The following SNTG1 variants were observed in gnomAD, a reference collection of about 807,000 sequenced individuals.
The protein encoded by SNTG1 is gamma-1-syntrophin.
A neutral mutation model predicts 74.7 loss-of-function variants in SNTG1; 39 were observed. That is an observed-to-expected ratio of 0.52 (90% confidence interval 0.40 to 0.68). The LOEUF is 0.68. Ranked by LOEUF, SNTG1 falls within the 30% of genes least tolerant of loss-of-function variation. The probability of loss-of-function intolerance (pLI) is 0.00; values close to 1 mark genes in which losing one functional copy is unlikely to be tolerated. For synonymous variants in SNTG1, 254 were observed against 217.1 expected, an observed-to-expected ratio of 1.17 and a Z score of -1.49; for missense variants, 685 against 609.5, an observed-to-expected ratio of 1.12 and a Z score of -1.30.
chr8:50,772,685 CT>C (rs1274015481), intron 18 of SNTG1, among the ~76,000 whole-genome samples: 3 of 152,046 alleles, frequency 2.0e-5, no homozygotes, highest in African/African-American at 7.2e-5. Context: ...GTTTGTTCCT[CT>C]GAAACTCATG....
At chr8:50,734,965 C>CCATATACATATATAGATATATATGGA (rs1491411114) in intron 17 of SNTG1, among the ~76,000 whole-genome samples, 7 of 58,850 alleles carry the variant, frequency 1.2e-4, no homozygotes, top group South Asian at 7.8e-4. Flanking sequence ...ATCTATATAT[C>CCATATACATATATAGATATATATGGA]CATATATATC....
chr8:50,485,547 T>C (rs1051661227), intron 8 of SNTG1, among the ~76,000 whole-genome samples: 1 of 151,158 alleles, frequency 6.6e-6, no homozygotes, highest in Non-Finnish European at 1.5e-5. Context: ...TTTGTTTGAG[T>C]TCATTGTAGA....
chr8:50,522,230 ATCAGTAG>A (rs1433809544), intron 9 of SNTG1, among the ~76,000 whole-genome samples: 3 of 152,054 alleles, frequency 2.0e-5, no homozygotes, highest in Admixed American at 6.6e-5. Context: ...TTTCATCTTC[ATCAGTAG>A]TCTTGGGTGT....
At chr8:50,102,064 G>T (rs1586275408) in intron 1 of SNTG1, among the ~76,000 whole-genome samples, 1 of 152,054 alleles carries the variant, frequency 6.6e-6, no homozygotes, top group African/African-American at 2.4e-5. Flanking sequence ...AATCCTTTGG[G>T]TATATAACCA....
intron 12 of SNTG1, among the ~76,000 whole-genome samples, chr8:50,587,204 ATATATG>A (rs1046434999): frequency 2.0e-4 from 31 of 151,796 alleles, no homozygotes; most frequent in African/African-American, 7.5e-4. Context: ...GCATACATAC[ATATATG>A]TATATACATA....
chr8:50,196,117 T>A (rs942555021), intron 2 of SNTG1, among the ~76,000 whole-genome samples: 6 of 152,190 alleles, frequency 3.9e-5, no homozygotes, highest in African/African-American at 1.4e-4. Context: ...ACTGCTGAAG[T>A]TGATGGAATT....
chr8:50,137,017 G>C (rs951795032), intron 1 of SNTG1, among the ~76,000 whole-genome samples: 1 of 152,018 alleles, frequency 6.6e-6, no homozygotes, highest in Non-Finnish European at 1.5e-5. Flanking sequence ...GATATACAGA[G>C]AGCATCCCAA....
chr8:50,332,444 G>GTT (rs528018318), intron 2 of SNTG1, among the ~76,000 whole-genome samples: 3 of 145,226 alleles, frequency 2.1e-5, no homozygotes, highest in African/African-American at 7.6e-5. Context: ...CTTAAGCCTT[G>GTT]TTTTTTTTTT....
rs2092668373 is a variant in SNTG1 at position 50,391,981 on chromosome 8, G to T, written c.-27-2231G>T. ...GTCTTTAAAAATAAGCAAAGTCTGAGAAACAGTCACAGCCAAAAGAAGCCC... is the reference window on the plus strand; with the variant it reads ...GTCTTTAAAAATAAGCAAAGTCTGATAAACAGTCACAGCCAAAAGAAGCCC... On this transcript the variant is annotated intron_variant, in intron 2 of 18. Transcript: ENST00000642720. Among the ~76,000 whole-genome samples the T allele has an allele frequency of 3.9e-5, 6 of 152,224 alleles. 1 individual carries two copies. The East Asian group carries it at 1.2e-3, about 29-fold the overall frequency.
intron 1 of SNTG1, among the ~76,000 whole-genome samples, chr8:49,951,170 A>G (rs1421110145): frequency 6.6e-6 from 1 of 152,230 alleles, no homozygotes. Flanking sequence ...AAAGCTAGAA[A>G]TTAGGTTTGC....
chr8:50,454,829 TAAAA>T (rs1158732952), intron 8 of SNTG1, among the ~76,000 whole-genome samples: 3 of 95,144 alleles, frequency 3.2e-5, no homozygotes, highest in African/African-American at 8.7e-5. Flanking sequence ...CAGACAGAGC[TAAAA>T]AAAAAAAAAA....
intron 2 of SNTG1, among the ~76,000 whole-genome samples, chr8:50,235,135 A>C (rs1280937431): frequency 3.3e-5 from 5 of 152,162 alleles, no homozygotes; most frequent in Non-Finnish European, 7.4e-5. Context: ...CTGAACAGAT[A>C]TCAGCACTCT....
At chr8:50,272,474 G>A (rs1256110197) in intron 2 of SNTG1, among the ~76,000 whole-genome samples, 3 of 152,148 alleles carry the variant, frequency 2.0e-5, no homozygotes, top group African/African-American at 7.2e-5. Context: ...GAGACCTGGT[G>A]CTGTAAGGCA....
intron 11 of SNTG1, among the ~76,000 whole-genome samples, chr8:50,550,693 G>GTGTGTA (rs1554571332): frequency 1.3e-5 from 2 of 149,024 alleles, no homozygotes; most frequent in African/African-American, 5.0e-5. Flanking sequence ...TAGTGTGTGT[G>GTGTGTA]TATATATATA....
chr8:50,759,270 T>C (rs768676647), intron 18 of SNTG1, among the ~76,000 whole-genome samples: 13 of 152,078 alleles, frequency 8.5e-5, no homozygotes, highest in Non-Finnish European at 1.8e-4. Context: ...GCCTGTTCAC[T>C]CTGATGATAG....
intron 13 of SNTG1, among the ~76,000 whole-genome samples, chr8:50,634,555 C>G (rs941777436): frequency 3.9e-5 from 6 of 152,038 alleles, no homozygotes; most frequent in Admixed American, 6.5e-5. Context: ...ACCTGTGTAC[C>G]CTTTACCTAG....
At position 50,283,483 on chromosome 8, in the gene SNTG1, T is replaced by G. The variant is rs182211963; in HGVS notation, c.-27-110729T>G. On this transcript the variant is annotated intron_variant, in intron 2 of 18. Coordinates refer to ENST00000642720, the MANE Select transcript of SNTG1 (RefSeq NM_018967.5). ...CTGATGAATGTACATTATAATGCAA[T>G]TGACACTCATCAGTATAGGAAATAT... 1.5e-3 allele frequency among the ~76,000 whole-genome samples: 231 copies of G among 152,310 alleles called. 1 individual carries two copies. The highest frequency in any genetic ancestry group is 4.8e-3 in the African/African-American group (198 of 41,586).
At chr8:50,532,965 T>C (rs2094280887) in intron 10 of SNTG1, among the ~76,000 whole-genome samples, 1 of 152,214 alleles carries the variant, frequency 6.6e-6, no homozygotes, top group African/African-American at 2.4e-5. Context: ...ATGTCCTTAC[T>C]GTATTTTAAG....
At chr8:50,782,778 G>A (rs992081635) in intron 18 of SNTG1, among the ~76,000 whole-genome samples, 9 of 152,126 alleles carry the variant, frequency 5.9e-5, no homozygotes, top group African/African-American at 2.2e-4. Flanking sequence ...GAAGAGAGGT[G>A]CTCCGGTTTT....
Sources: gnomAD v4.1 joint callset for allele counts (sites outside exome capture counted in the v4.1 genomes callset) on GRCh38, gnomAD v4.1.1 for gene constraint, MANE v1.5 for transcripts, NCBI Gene and HGNC (gene_info 2026-07-23, HGNC 2026-07-21) for gene names.